The following C8orf34 variants were observed in gnomAD, a reference collection of about 807,000 sequenced individuals.
C8orf34 encodes chromosome 8 open reading frame 34, also known as uncharacterized protein C8orf34.
C8orf34 carries 65 observed loss-of-function variants against 68.3 expected under a neutral mutation model. The ratio of observed to expected loss-of-function variants is 0.95; its 90% CI spans 0.78 to 1.17. The LOEUF (loss-of-function observed/expected upper bound fraction) is 1.17. Among genes scored for constraint, C8orf34 ranks in the 50% most tolerant of loss-of-function variants. The pLI, the probability that C8orf34 is intolerant of heterozygous loss-of-function variation, is 0.00. For synonymous variants in C8orf34, 244 were observed against 241.2 expected, an observed-to-expected ratio of 1.01 and a Z score of -0.11; for missense variants, 664 against 655.4, an observed-to-expected ratio of 1.01 and a Z score of -0.14.
chr8:68,565,887 A>G (rs1442115198), intron 7 of C8orf34, among the ~76,000 whole-genome samples: 1 of 152,184 alleles, frequency 6.6e-6, no homozygotes, highest in Non-Finnish European at 1.5e-5. Context: ...AGAGATGTAG[A>G]TGTATCCAAA....
intron 7 of C8orf34, among the ~76,000 whole-genome samples, chr8:68,541,818 C>G (rs1815712398): frequency 6.6e-6 from 1 of 152,170 alleles, no homozygotes; most frequent in Non-Finnish European, 1.5e-5. Context: ...TTGGCCTATT[C>G]ACTTATTTAA....
intron 10 of C8orf34, among the ~76,000 whole-genome samples, chr8:68,722,000 A>T (rs1464741826): frequency 6.6e-6 from 1 of 152,028 alleles, no homozygotes; most frequent in African/African-American, 2.4e-5. Context: ...CTTAAATGTA[A>T]TATTTGGACT....
At chr8:68,439,120 T>C (rs951539143) in intron 1 of C8orf34, 2 of 155,026 alleles carry the variant, frequency 1.3e-5, no homozygotes, top group Non-Finnish European at 2.9e-5. Flanking sequence ...TGGTGAAGTT[T>C]AGCAAAAGTT....
chr8:68,464,445 A>T (rs982163898), intron 3 of C8orf34, among the ~76,000 whole-genome samples: 7 of 151,918 alleles, frequency 4.6e-5, no homozygotes, highest in African/African-American at 1.7e-4. Flanking sequence ...ATTGGAAAAA[A>T]CTACTTTAAA....
At chr8:68,729,078 G>T (rs948373649) in intron 10 of C8orf34, among the ~76,000 whole-genome samples, 6 of 152,354 alleles carry the variant, frequency 3.9e-5, no homozygotes, top group African/African-American at 1.2e-4. Flanking sequence ...AAGCATCTAT[G>T]CATATATCTT....
chr8:68,811,148 C>T (rs1008218569), intron 12 of C8orf34, among the ~76,000 whole-genome samples: 3 of 152,216 alleles, frequency 2.0e-5, no homozygotes, highest in Admixed American at 6.5e-5. Flanking sequence ...ACCCTTCTCC[C>T]GTGCTTGTCG....
chr8:68,583,236 C>G (rs1817117365), intron 7 of C8orf34, among the ~76,000 whole-genome samples: 1 of 151,734 alleles, frequency 6.6e-6, no homozygotes, highest in Non-Finnish European at 1.5e-5. Flanking sequence ...TAGATAATAG[C>G]CAAACATGGA....
intron 7 of C8orf34, among the ~76,000 whole-genome samples, chr8:68,551,596 T>C (rs748515165): frequency 3.4e-4 from 52 of 152,088 alleles, no homozygotes; most frequent in Non-Finnish European, 6.6e-4. Context: ...TTATTATGTC[T>C]TGTAGTTCTT....
chr8:68,606,415 C>T (rs1312595280), intron 7 of C8orf34, among the ~76,000 whole-genome samples: 1 of 151,906 alleles, frequency 6.6e-6, no homozygotes, highest in Non-Finnish European at 1.5e-5. Context: ...CATAAATGAA[C>T]AAAATATTTA....
At chr8:68,440,178 G>T (rs530757853) in intron 2 of C8orf34, among the ~76,000 whole-genome samples, 1 of 152,286 alleles carries the variant, frequency 6.6e-6, no homozygotes, top group South Asian at 2.1e-4. Flanking sequence ...ACTAGTGAAA[G>T]AATTGAGTAG....
At chr8:68,579,864 C>T (rs1363148796) in intron 7 of C8orf34, among the ~76,000 whole-genome samples, 2 of 152,136 alleles carry the variant, frequency 1.3e-5, no homozygotes, top group Non-Finnish European at 2.9e-5. Context: ...ACTTTTCTTT[C>T]TTGATCTCAG....
intron 7 of C8orf34, among the ~76,000 whole-genome samples, chr8:68,568,680 A>C (rs1326125408): frequency 6.6e-6 from 1 of 152,232 alleles, no homozygotes; most frequent in Admixed American, 6.5e-5. Context: ...ATGAAGGCCC[A>C]TAAGTTTTCA....
chr8:68,333,908 T>G lies in C8orf34; in HGVS notation c.327+2569T>G, dbSNP rs568978134. Among the ~76,000 whole-genome samples the G allele has an allele frequency of 2.6e-5, 4 of 152,362 alleles. No homozygotes were observed. The South Asian group carries it at 8.3e-4, about 32-fold the overall frequency. ...TTCAGTTTGGAAAATATGCGGTATC[T>G]GATAATATGTCCCCCTTGTGGATAG... On this transcript the variant is annotated intron_variant, in intron 1 of 13. Transcript: ENST00000518698.
At chr8:68,409,850 T>C (rs531593651) in intron 1 of C8orf34, among the ~76,000 whole-genome samples, 2 of 152,184 alleles carry the variant, frequency 1.3e-5, no homozygotes, top group South Asian at 4.1e-4. Context: ...TATCATATTT[T>C]TACTGTACCT....
chr8:68,619,255 G>C (rs897104702), intron 7 of C8orf34, among the ~76,000 whole-genome samples: 1 of 152,230 alleles, frequency 6.6e-6, no homozygotes, highest in African/African-American at 2.4e-5. Context: ...GAGCCTGGGA[G>C]ACAGAGGTTT....
intron 1 of C8orf34, among the ~76,000 whole-genome samples, chr8:68,351,060 T>A (rs532551860): frequency 9.9e-4 from 150 of 152,134 alleles, no homozygotes; most frequent in African/African-American, 3.5e-3. Flanking sequence ...GTGACACTGG[T>A]CTGCGTGTTT....
At chr8:68,794,505 AT>A (rs57673879) in intron 12 of C8orf34, among the ~76,000 whole-genome samples, 782 of 62,220 alleles carry the variant, frequency 0.013, 37 homozygotes, top group African/African-American at 0.064. Flanking sequence ...ATATATATAT[AT>A]TTTTTTTTTT....
chr8:68,410,512 G>A (rs1393069461), intron 1 of C8orf34, among the ~76,000 whole-genome samples: 6 of 152,148 alleles, frequency 3.9e-5, no homozygotes, highest in Non-Finnish European at 7.3e-5. Flanking sequence ...AAGGACTTGA[G>A]CATCCTCAAA....
intron 1 of C8orf34, among the ~76,000 whole-genome samples, chr8:68,381,829 A>G (rs1480085018): frequency 1.3e-5 from 2 of 151,840 alleles, no homozygotes; most frequent in Non-Finnish European, 2.9e-5. Context: ...TTTCTTTTAA[A>G]ATGACTTAAA....
Sources: gnomAD v4.1 joint callset for allele counts (sites outside exome capture counted in the v4.1 genomes callset) on GRCh38, gnomAD v4.1.1 for gene constraint, MANE v1.5 for transcripts, NCBI Gene and HGNC (gene_info 2026-07-23, HGNC 2026-07-21) for gene names.